UGT1A3: variants seen among roughly 807,000 people sequenced by gnomAD.
UGT1A3 encodes the protein UDP-glucuronosyltransferase 1A3.
UGT1A3 carries 31 observed loss-of-function variants against 41.0 expected under a neutral mutation model. That is an observed-to-expected ratio of 0.76 (90% CI 0.57 to 1.02). The LOEUF (loss-of-function observed/expected upper bound fraction) is 1.02, where lower values mean the gene tolerates loss of function less well. Ranked by LOEUF, UGT1A3 falls within the 50% of genes least tolerant of loss-of-function variation. UGT1A3 has a pLI of 0.00. For missense variants in UGT1A3, 737 were observed against 671.0 expected (o/e 1.10, Z -1.09); for synonymous variants, 262 against 257.6 (o/e 1.02, Z -0.17).
chr2:233,747,156 A>G, intron 1 of UGT1A3: 1 of 1,580,812 alleles, frequency 6.3e-7, no homozygotes, highest in South Asian at 1.1e-5. Flanking sequence ...GATGAAGAAA[A>G]CAAATGTAGG....
At chr2:233,745,702 A>T (rs1693179488) in intron 1 of UGT1A3, among the ~76,000 whole-genome samples, 1 of 150,000 alleles carries the variant, frequency 6.7e-6, no homozygotes, top group East Asian at 2.0e-4. Flanking sequence ...GAGAACAACA[A>T]GTGATCCAGA....
Position 233,768,439 on chromosome 2 carries a change from G to T in UGT1A3, c.1307G>T (p.Ser436Ile), listed in dbSNP as rs1306719122. 6.2e-7 allele frequency: 1 copy of T among 1,613,244 alleles called. No homozygotes were observed. Among genetic ancestry groups the T allele is most frequent in the South Asian group, 1.1e-5 (1 of 90,868 alleles). ...CTAAAAGCAGTCATCAATGACAAAAGGTAAGAAAGAAGATACAGAAGAATA... is the reference window on the plus strand; with the variant it reads ...CTAAAAGCAGTCATCAATGACAAAATGTAAGAAAGAAGATACAGAAGAATA... ...NALKAVINDK[S>I]YKENIMRLSS... Residue 436 changes from serine to isoleucine, a missense_variant and splice_region_variant, in exon 4 of 5, where the codon AGT becomes ATT. Transcript: ENST00000482026.
chr2:233,751,261 C>T (rs1694682107), intron 1 of UGT1A3, among the ~76,000 whole-genome samples: 1 of 151,890 alleles, frequency 6.6e-6, no homozygotes, highest in South Asian at 2.1e-4. Flanking sequence ...GGCCTGTAGC[C>T]CCCTTTTTTT....
At chr2:233,731,724 G>T (rs2078197390) in intron 1 of UGT1A3, among the ~76,000 whole-genome samples, 1 of 152,166 alleles carries the variant, frequency 6.6e-6, no homozygotes, top group Non-Finnish European at 1.5e-5. Context: ...TTGCTATTGT[G>T]AATAGTGCCA....
chr2:233,753,819 A>AG (rs1295760260), intron 1 of UGT1A3, among the ~76,000 whole-genome samples: 1 of 152,236 alleles, frequency 6.6e-6, no homozygotes, highest in African/African-American at 2.4e-5. Context: ...GAACCACGTT[A>AG]GGGCTGAAGA....
At position 233,761,942 on chromosome 2, in the gene UGT1A3, C is replaced by T. The variant is rs912615378; in HGVS notation, c.868-5092C>T. ...CAGCCCAGGCACTTCCCAGGTGCTG[C>T]GTCTGGCTCCCATTAAGGGGACTGA... On this transcript the variant is annotated intron_variant, in intron 1 of 4. Coordinates refer to ENST00000482026, the MANE Select transcript of UGT1A3 (RefSeq NM_019093.4). Among the ~76,000 whole-genome samples the T allele has an allele frequency of 2.6e-5, 4 of 152,302 alleles. No homozygotes were observed. The South Asian group carries it at 8.3e-4, about 32-fold the overall frequency.
rs202172337 is a variant in UGT1A3, at chr2:233,772,279, T to A, written c.1325T>A (p.Met442Lys). Residue 442 changes from methionine to lysine, a missense_variant, in exon 5 of 5, where the codon ATG (methionine) becomes AAG (lysine). Coordinates refer to ENST00000482026, the MANE Select transcript of UGT1A3 (RefSeq NM_019093.4). ...INDKSYKENIMRLSSLHKDRP... is the reference protein window; with the variant it reads ...INDKSYKENIKRLSSLHKDRP... ...GTGTTTAGTTACAAGGAGAACATCA[T>A]GCGCCTCTCCAGCCTTCACAAGGAC... 1.9e-6 allele frequency: 3 copies of A among 1,614,146 alleles called. No individual in the cohort carries two copies. Among genetic ancestry groups the A allele is most frequent in the African/African-American group, 2.7e-5 (2 of 74,942 alleles).
chr2:233,736,852 G>A (rs2078820278), intron 1 of UGT1A3, among the ~76,000 whole-genome samples: 1 of 152,188 alleles, frequency 6.6e-6, no homozygotes, highest in Non-Finnish European at 1.5e-5. Flanking sequence ...AGTGGAGGCT[G>A]CAGAACAGCA....
chr2:233,772,420 C>T lies in UGT1A3; in HGVS notation c.1466C>T (p.Ser489Phe), dbSNP rs72551360. ...GACCTCACCTGGTACCAGTACCATT[C>T]CTTGGACGTGATTGGTTTCCTCTTG... ...AHDLTWYQYHSLDVIGFLLAV... is the reference protein window; with the variant it reads ...AHDLTWYQYHFLDVIGFLLAV... Residue 489 changes from serine (S) to phenylalanine (F), a missense_variant, in exon 5 of 5, where the codon TCC becomes TTC. By Grantham distance (155) the Ser-to-Phe change is radical. Coordinates refer to ENST00000482026, the MANE Select transcript of UGT1A3 (RefSeq NM_019093.4). The T allele has an allele frequency of 2.3e-5, 37 of 1,614,120 alleles. No homozygotes were observed. Among genetic ancestry groups the T allele is most frequent in the African/African-American group, 8.0e-5 (6 of 74,942 alleles).
chr2:233,740,991 G>A (rs1484591250), intron 1 of UGT1A3: 3 of 151,764 alleles, frequency 2.0e-5, no homozygotes, highest in African/African-American at 7.3e-5. Flanking sequence ...GAATGCTGAG[G>A]AGGAAGGATC....
intron 1 of UGT1A3, among the ~76,000 whole-genome samples, chr2:233,763,856 G>A (rs1698413440): frequency 6.6e-6 from 1 of 152,158 alleles, no homozygotes; most frequent in Non-Finnish European, 1.5e-5. Context: ...GTGGTTCACA[G>A]ACAATCGCAA....
At position 233,729,880 on chromosome 2, in the gene UGT1A3, G is replaced by A. The variant is rs746200260; in HGVS notation, c.754G>A (p.Ala252Thr). Residue 252 changes from alanine to threonine, a missense_variant, in exon 1 of 5, where the codon GCA (alanine) becomes ACA (threonine). By Grantham distance (58) the Ala-to-Thr change is moderately conservative. Transcript: ENST00000482026. ...GTCAGTGGTGGATATTCTCAGTCAT[G>A]CATCTGTGTGGCTGTTCCGAGGGGA... ...EVSVVDILSH[A>T]SVWLFRGDFV... 2 of 1,613,860 alleles carry A rather than the reference G, an allele frequency of 1.2e-6. No homozygotes were observed. Among genetic ancestry groups the A allele is most frequent in the Non-Finnish European group, 1.7e-6 (2 of 1,179,866 alleles).
In UGT1A3 at chr2:233,729,788, C is replaced by A; in HGVS notation, c.662C>A (p.Ser221Tyr). The A allele has an allele frequency of 1.2e-6, 2 of 1,613,954 alleles. No individual in the cohort carries two copies. The highest frequency in any genetic ancestry group is 1.7e-6 in the Non-Finnish European group (2 of 1,179,858). The change falls in exon 1 of 5, where the codon TCC becomes TAC. Residue 221 changes from serine to tyrosine, a missense_variant. Physicochemically the swap from Ser to Tyr is moderately radical, Grantham distance 144 (BLOSUM62 -2). Coordinates refer to ENST00000482026, the MANE Select transcript of UGT1A3 (RefSeq NM_019093.4). ...VKNMLYPLAL[S>Y]YICHAFSAPY... ...AACATGCTCTACCCTCTGGCCCTGT[C>A]CTACATTTGCCATGCTTTTTCTGCT... is the stretch of plus-strand genomic sequence containing the variant.
intron 1 of UGT1A3, among the ~76,000 whole-genome samples, chr2:233,751,432 G>T (rs1313513130): frequency 6.6e-6 from 1 of 152,164 alleles, no homozygotes; most frequent in Non-Finnish European, 1.5e-5. Flanking sequence ...GCTGAAATGA[G>T]TTAAGACTTT....
chr2:233,769,535 A>C lies in UGT1A3; in HGVS notation c.1307+1096A>C, dbSNP rs573901660. 3.1e-6 allele frequency: 5 copies of C among 1,612,920 alleles called. No homozygotes were observed. The highest frequency in any genetic ancestry group is 1.7e-5 in the Admixed American group (1 of 60,014). ...TCCCATGGTTACCTCCTTTAGAAAG[A>C]AGCAGCAGTCAGGAAGACAGATGTG... On this transcript the variant is annotated intron_variant, in intron 4 of 4. Coordinates refer to ENST00000482026, the MANE Select transcript of UGT1A3 (RefSeq NM_019093.4). The surrounding 1 kb of genome is among the most constrained non-coding windows in gnomAD (Gnocchi z 4.4).
intron 1 of UGT1A3, among the ~76,000 whole-genome samples, chr2:233,766,177 G>A (rs937937765): frequency 5.3e-5 from 8 of 152,156 alleles, no homozygotes; most frequent in African/African-American, 1.9e-4. Context: ...AGGATTTATT[G>A]AGTGGATGTA....
Position 233,729,403 on chromosome 2 carries a change from G to A in UGT1A3, c.277G>A (p.Val93Met), listed in dbSNP as rs1559374235. The change falls in exon 1 of 5, where the codon GTG becomes ATG. Residue 93 changes from valine (V) to methionine (M), a missense_variant. Physicochemically the swap from Val to Met is conservative, Grantham distance 21. Transcript: ENST00000482026. Reference protein sequence around the residue: ...SWTQDEFDRHVLGHTQLYFET... With the variant: ...SWTQDEFDRHMLGHTQLYFET... Reference sequence around the variant, plus strand: ...GACCCAGGATGAATTTGATCGCCATGTGCTGGGCCACACTCAACTGTACTT... The same window carrying A: ...GACCCAGGATGAATTTGATCGCCATATGCTGGGCCACACTCAACTGTACTT... 6.2e-7 allele frequency: 1 copy of A among 1,613,838 alleles called. No individual in the cohort carries two copies. Among genetic ancestry groups the A allele is most frequent in the Non-Finnish European group, 8.5e-7 (1 of 1,179,790 alleles).
intron 1 of UGT1A3, among the ~76,000 whole-genome samples, chr2:233,763,590 A>T (rs772976697): frequency 6.6e-6 from 1 of 152,156 alleles, no homozygotes; most frequent in East Asian, 1.9e-4. Context: ...TTCCTTTGTT[A>T]ACTAAAAATG....
At chr2:233,767,553 A>C (rs1463279318) in intron 2 of UGT1A3, among the ~76,000 whole-genome samples, 1 of 152,268 alleles carries the variant, frequency 6.6e-6, no homozygotes, top group Non-Finnish European at 1.5e-5. Flanking sequence ...ATAGTTCTGC[A>C]TCCACTTGTT....
Sources: allele counts gnomAD v4.1 joint callset (sites outside exome capture counted in the v4.1 genomes callset), GRCh38; gene constraint gnomAD v4.1.1; non-coding constraint Gnocchi (gnomAD v3.1); transcripts MANE v1.5; gene names NCBI Gene and HGNC (gene_info 2026-07-23, HGNC 2026-07-21).